LRP1B: variants seen among roughly 807,000 people sequenced by gnomAD.
LRP1B encodes the protein low-density lipoprotein receptor-related protein 1B.
LRP1B carries 217 observed loss-of-function variants against 556.6 expected under a neutral mutation model. The ratio of observed to expected loss-of-function variants is 0.39; its 90% CI spans 0.35 to 0.44. LRP1B has a LOEUF of 0.44. Ranked by LOEUF, LRP1B falls within the 20% of genes least tolerant of loss-of-function variation. The pLI, the probability that LRP1B is intolerant of heterozygous loss-of-function variation, is 1.00. For synonymous variants in LRP1B, 2,047 were observed against 1,865.8 expected (o/e 1.10, Z -2.50); for missense variants, 5,053 against 5,620.8 (o/e 0.90, Z 3.23).
intron 45 of LRP1B, among the ~76,000 whole-genome samples, chr2:140,537,660 G>A (rs1322156358): frequency 2.0e-5 from 3 of 151,996 alleles, no homozygotes; most frequent in Non-Finnish European, 4.4e-5. Context: ...TGTACCTGAT[G>A]CTATGGACTC....
chr2:140,261,080 TGAAA>T (rs1044110245), intron 86 of LRP1B, among the ~76,000 whole-genome samples: 46 of 151,456 alleles, frequency 3.0e-4, no homozygotes, highest in African/African-American at 1.1e-3. Flanking sequence ...ATATATATGA[TGAAA>T]GAAAGGAGAT....
At chr2:141,604,292 C>G (rs1361062276) in intron 2 of LRP1B, among the ~76,000 whole-genome samples, 2 of 152,024 alleles carry the variant, frequency 1.3e-5, no homozygotes, top group African/African-American at 2.4e-5. Flanking sequence ...AAATGTTATG[C>G]CATGTTATAA....
intron 2 of LRP1B, among the ~76,000 whole-genome samples, chr2:141,718,702 T>C (rs527278873): frequency 6.6e-6 from 1 of 152,244 alleles, no homozygotes; most frequent in South Asian, 2.1e-4. Context: ...ATAAAGAACA[T>C]CCCGTTAAGC....
intron 45 of LRP1B, among the ~76,000 whole-genome samples, chr2:140,538,744 T>C (rs1260810438): frequency 6.6e-6 from 1 of 152,160 alleles, no homozygotes; most frequent in African/African-American, 2.4e-5. Flanking sequence ...CAGCCACTTC[T>C]TGAAAGTCTA....
At position 140,325,851 on chromosome 2, in the gene LRP1B, C is replaced by T. The variant is rs756341470; in HGVS notation, c.12251G>A (p.Arg4084His). ...TGLAVDYFSE[R>H]IYWADFELSI... The stretch of plus-strand genomic sequence containing the variant: ...GAGCTCAAAGTCAGCCCAATATATG[C>T]GTTCACTAAAATAATCCACAGCCAA... The change falls in exon 80 of 91, where the codon CGC becomes CAC. Residue 4084 changes from arginine (R) to histidine (H), a missense_variant. Physicochemically the swap from Arg to His is conservative, Grantham distance 29 (BLOSUM62 0). Around this residue, in one of 5 missense-constraint regions of LRP1B, gnomAD observed 22 missense variants for 53.4 expected, o/e 0.41. Transcript: ENST00000389484. The T allele has an allele frequency of 1.9e-6, 3 of 1,612,200 alleles. No homozygotes were observed. Among genetic ancestry groups the T allele is most frequent in the Non-Finnish European group, 8.5e-7 (1 of 1,178,890 alleles).
intron 60 of LRP1B, among the ~76,000 whole-genome samples, chr2:140,462,664 T>C (rs1276682011): frequency 6.6e-6 from 1 of 152,140 alleles, no homozygotes; most frequent in Non-Finnish European, 1.5e-5. Context: ...CTGGGTGAGG[T>C]AGTCCACATA....
chr2:141,232,996 A>G (rs1007701952), intron 5 of LRP1B, among the ~76,000 whole-genome samples: 1 of 152,178 alleles, frequency 6.6e-6, no homozygotes, highest in Non-Finnish European at 1.5e-5. Flanking sequence ...ACCACATCTA[A>G]TGTCTGTTGT....
chr2:141,705,607 G>T (rs1252184870), intron 2 of LRP1B, among the ~76,000 whole-genome samples: 1 of 151,886 alleles, frequency 6.6e-6, no homozygotes, highest in Admixed American at 6.6e-5. Context: ...CTTCCACAAA[G>T]AATAAACTAA....
intron 88 of LRP1B, among the ~76,000 whole-genome samples, chr2:140,239,207 C>A (rs1183904197): frequency 1.3e-5 from 2 of 150,774 alleles, no homozygotes; most frequent in Non-Finnish European, 3.0e-5. Flanking sequence ...ATAATATGAT[C>A]TCTTGTCAGT....
intron 2 of LRP1B, among the ~76,000 whole-genome samples, chr2:141,602,771 TA>T (rs1217676547): frequency 1.3e-5 from 2 of 152,168 alleles, no homozygotes; most frequent in African/African-American, 4.8e-5. Context: ...GAACTGTTTT[TA>T]CTTTAAAAGA....
chr2:140,896,500 A>C (rs1406648731), intron 23 of LRP1B, among the ~76,000 whole-genome samples: 1 of 152,160 alleles, frequency 6.6e-6, no homozygotes, highest in Non-Finnish European at 1.5e-5. Flanking sequence ...AATTTGAAAA[A>C]ACAAAAATAG....
At chr2:141,750,463 G>GA (rs1318392282) in intron 2 of LRP1B, among the ~76,000 whole-genome samples, 2 of 151,484 alleles carry the variant, frequency 1.3e-5, no homozygotes, top group African/African-American at 4.8e-5. Context: ...GAAAAGAAAA[G>GA]AAAAAAAAGC....
chr2:142,015,404 A>G (rs1703088589), intron 1 of LRP1B, among the ~76,000 whole-genome samples: 1 of 152,206 alleles, frequency 6.6e-6, no homozygotes, highest in Non-Finnish European at 1.5e-5. Flanking sequence ...CATAAGACCT[A>G]AAACCATAAA....
At chr2:140,353,467 A>G (rs1443976287) in intron 75 of LRP1B, among the ~76,000 whole-genome samples, 1 of 152,014 alleles carries the variant, frequency 6.6e-6, no homozygotes, top group Non-Finnish European at 1.5e-5. Context: ...CATTCACGCA[A>G]ATAGACCTGT....
intron 1 of LRP1B, among the ~76,000 whole-genome samples, chr2:141,996,344 C>T (rs1702491482): frequency 6.6e-6 from 1 of 152,116 alleles, no homozygotes; most frequent in African/African-American, 2.4e-5. Context: ...TTACTTGTTG[C>T]TTAGTTTGTG....
intron 2 of LRP1B, among the ~76,000 whole-genome samples, chr2:141,539,957 G>A (rs1311161920): frequency 6.6e-6 from 1 of 152,026 alleles, no homozygotes; most frequent in African/African-American, 2.4e-5. Context: ...GAAATAGAAA[G>A]AGCCTTTCAC....
intron 2 of LRP1B, among the ~76,000 whole-genome samples, chr2:141,722,084 A>C (rs568222601): frequency 6.6e-6 from 1 of 152,252 alleles, no homozygotes; most frequent in African/African-American, 2.4e-5. Flanking sequence ...GCTTTCTTTA[A>C]AAATGGTCTG....
rs952180834 is a variant in LRP1B, at chr2:140,545,772, C to T, written c.7195-3801G>A. Among the ~76,000 whole-genome samples, 4 of 152,040 alleles carry T rather than the reference C, an allele frequency of 2.6e-5. No homozygotes were observed. The South Asian group carries it at 6.2e-4, about 24-fold the overall frequency. On this transcript the variant is annotated intron_variant, in intron 43 of 90. Transcript: ENST00000389484. Reference sequence around the variant, plus strand: ...TTTTGGTTTCATATGAATTTTAAAACCTTTTTTTTCTAGCTCTAGGAAGAA... The same window carrying T: ...TTTTGGTTTCATATGAATTTTAAAATCTTTTTTTTCTAGCTCTAGGAAGAA...
chr2:141,872,052 G>A (rs1389522226), intron 1 of LRP1B, among the ~76,000 whole-genome samples: 1 of 151,860 alleles, frequency 6.6e-6, no homozygotes, highest in East Asian at 1.9e-4. Flanking sequence ...AATAAGACAT[G>A]TCTCAAACTT....
Sources: gnomAD v4.1 joint callset for allele counts (sites outside exome capture counted in the v4.1 genomes callset) on GRCh38, gnomAD v4.1.1 for gene constraint, gnomAD v4.1.1 regional missense constraint, MANE v1.5 for transcripts, NCBI Gene and HGNC (gene_info 2026-07-23, HGNC 2026-07-21) for gene names.